RERE: variants seen among roughly 807,000 people sequenced by gnomAD.
RERE encodes the protein arginine-glutamic acid dipeptide repeats protein.
In RERE, 40 loss-of-function variants were observed where a neutral mutation model predicts 146.1. That is an observed-to-expected ratio of 0.27 (90% confidence interval 0.21 to 0.36). The LOEUF is 0.36. RERE is among the 10% of genes least tolerant of loss of function. The probability of loss-of-function intolerance (pLI) is 1.00; values close to 1 mark genes in which losing one functional copy is unlikely to be tolerated. For missense variants in RERE, 1,933 were observed against 2,138.7 expected (o/e 0.90, Z 1.90); for synonymous variants, 1,003 against 866.0 (o/e 1.16, Z -2.78).
chr1:8,636,147 C>G (rs1246836660), intron 2 of RERE, among the ~76,000 whole-genome samples: 1 of 152,168 alleles, frequency 6.6e-6, no homozygotes, highest in Non-Finnish European at 1.5e-5. Context: ...CACCACAACA[C>G]CCGGCTAATT....
chr1:8,510,680 C>G (rs1459734431), intron 7 of RERE, among the ~76,000 whole-genome samples: 1 of 152,230 alleles, frequency 6.6e-6, no homozygotes, highest in Non-Finnish European at 1.5e-5. Context: ...GTGAGCAAAA[C>G]AAGCTGCCAA....
intron 1 of RERE, among the ~76,000 whole-genome samples, chr1:8,799,899 T>C (rs568785368): frequency 2.8e-4 from 43 of 151,918 alleles, no homozygotes; most frequent in African/African-American, 9.7e-4. Flanking sequence ...ACAACCTCCA[T>C]CTCCCAAGTT....
chr1:8,359,964 C>G lies in RERE; in HGVS notation c.3418G>C (p.Gly1140Arg), dbSNP rs1265725019. The change falls in exon 19 of 23, where the codon GGC becomes CGC. Residue 1140 changes from glycine (G) to arginine (R), a missense_variant. Gly to Arg is a moderately radical substitution (Grantham distance 125). Around this residue, in one of 11 missense-constraint regions of RERE, gnomAD observed 1,255 missense variants for 1,153.8 expected, o/e 1.09. Coordinates refer to ENST00000400908, the MANE Select transcript of RERE (RefSeq NM_001042681.2). ...SARFYKHLDR[G>R]YNSCARTDLY... ...TCTGTCCGGGCACACGAGTTGTAGC[C>G]CCGGTCCAGGTGTTTGTAGAACCTG... is the stretch of plus-strand genomic sequence containing the variant. 1 of 1,612,872 alleles carries G rather than the reference C, an allele frequency of 6.2e-7. No homozygotes were observed. Among genetic ancestry groups the G allele is most frequent in the East Asian group, 2.2e-5 (1 of 44,870 alleles).
chr1:8,614,811 G>A (rs551106850), intron 3 of RERE, 125 bp from the exon 4 acceptor site: 128 of 1,076,398 alleles, frequency 1.2e-4, no homozygotes, highest in Admixed American at 2.3e-4. Flanking sequence ...TGAAACCTCA[G>A]ATAATTTGTT....
chr1:8,765,030 T>C (rs186806255), intron 1 of RERE, among the ~76,000 whole-genome samples: 1 of 152,314 alleles, frequency 6.6e-6, no homozygotes, highest in Admixed American at 6.5e-5. Flanking sequence ...CAAATACACA[T>C]CCTCACAGAA....
chr1:8,539,041 A>G (rs1645763608), intron 7 of RERE, among the ~76,000 whole-genome samples: 1 of 152,230 alleles, frequency 6.6e-6, no homozygotes, highest in Non-Finnish European at 1.5e-5. Flanking sequence ...GTAAAAAATA[A>G]TTTTGGTTAG....
intron 1 of RERE, chr1:8,786,123 C>CTT: frequency 2.2e-6 from 1 of 458,726 alleles, no homozygotes; most frequent in African/African-American, 2.0e-5. Flanking sequence ...GTCTAACTTT[C>CTT]TTTTTTTTCA....
At chr1:8,410,479 G>A (rs1245897956) in intron 12 of RERE, among the ~76,000 whole-genome samples, 3 of 152,154 alleles carry the variant, frequency 2.0e-5, no homozygotes, top group African/African-American at 7.2e-5. Flanking sequence ...AACAATGTAT[G>A]GAAGGTGAAG....
intron 6 of RERE, among the ~76,000 whole-genome samples, chr1:8,549,333 G>C (rs1417870849): frequency 6.6e-6 from 1 of 152,174 alleles, no homozygotes; most frequent in Non-Finnish European, 1.5e-5. Flanking sequence ...ATAAAGTGCA[G>C]GGGCCAATCT....
intron 2 of RERE, among the ~76,000 whole-genome samples, chr1:8,633,693 G>A (rs1488470732): frequency 2.6e-5 from 4 of 152,122 alleles, no homozygotes; most frequent in Non-Finnish European, 5.9e-5. Flanking sequence ...TTGGGAAGCC[G>A]AGGCAGGTGG....
At chr1:8,714,725 A>G in intron 1 of RERE, among the ~76,000 whole-genome samples, 1 of 152,320 alleles carries the variant, frequency 6.6e-6, no homozygotes, top group South Asian at 2.1e-4. Flanking sequence ...CTATAGATTA[A>G]TATTTTCCAT....
At chr1:8,369,508 T>TTAAAAAAA (rs1285019668) in intron 12 of RERE, among the ~76,000 whole-genome samples, 8 of 76,888 alleles carry the variant, frequency 1.0e-4, no homozygotes, top group Non-Finnish European at 1.6e-4. Flanking sequence ...CGCCTTTTAC[T>TTAAAAAAA]AAAAAAAAAA....
At chr1:8,726,916 C>T (rs1348842028) in intron 1 of RERE, among the ~76,000 whole-genome samples, 1 of 152,002 alleles carries the variant, frequency 6.6e-6, no homozygotes, top group African/African-American at 2.4e-5. Flanking sequence ...AGCAATTCCC[C>T]TACCTCAGCC....
At chr1:8,685,487 C>T (rs1015185987) in intron 1 of RERE, among the ~76,000 whole-genome samples, 6 of 152,088 alleles carry the variant, frequency 3.9e-5, no homozygotes, top group East Asian at 1.9e-4. Context: ...TTTAGGAGGC[C>T]GAGGTGGGTG....
chr1:8,624,264 AAGAG>A, intron 3 of RERE, 42 bp downstream of exon 3: 2 of 1,411,328 alleles, frequency 1.4e-6, no homozygotes, highest in Non-Finnish European at 1.0e-6. Flanking sequence ...GAACTGGAAA[AAGAG>A]AGAATACAGA....
At chr1:8,710,628 C>T (rs1639646750) in intron 1 of RERE, among the ~76,000 whole-genome samples, 1 of 152,190 alleles carries the variant, frequency 6.6e-6, no homozygotes, top group Admixed American at 6.5e-5. Context: ...ATGCCATTCT[C>T]CTGCCTCAGC....
At chr1:8,574,340 C>CTTTTTTTTTTTTT (rs35921166) in intron 4 of RERE, among the ~76,000 whole-genome samples, 1 of 87,218 alleles carries the variant, frequency 1.1e-5, no homozygotes, top group African/African-American at 4.7e-5. Context: ...TATATATAGT[C>CTTTTTTTTTTTTT]TTTTTTTTTT....
At position 8,360,544 on chromosome 1, in the gene RERE, AGGGGTGGGGGGTGAGCCGACGG is replaced by A; in HGVS notation, c.2941_2962del (p.Pro981CysfsTer20). On this transcript the variant is annotated frameshift_variant, in exon 18 of 23. Transcript: ENST00000400908. LOFTEE classifies it high-confidence loss of function. ...TGGCTGGCTCTGAGGCATGAGTTGC[AGGGGTGGGGGGTGAGCCGACGG>A]GGGGTGATGTGTGGACAGGGAGCTC... The A allele has an allele frequency of 1.6e-6, 1 of 628,158 alleles. No homozygotes were observed. The highest frequency in any genetic ancestry group is 2.0e-6 in the Non-Finnish European group (1 of 499,440). 38.9% of individuals were successfully genotyped at this position (628,158 alleles called of 1,614,324 possible).
At chr1:8,638,783 A>ATTTTTTTTTTTTTTTTTTTTTTTT (rs34276909) in intron 2 of RERE, among the ~76,000 whole-genome samples, 1 of 100,348 alleles carries the variant, frequency 1.0e-5, no homozygotes, top group African/African-American at 4.2e-5. Context: ...ACGAAAAAAA[A>ATTTTTTTTTTTTTTTTTTTTTTTT]TTTTTTTTTT....
Sources: gnomAD v4.1 joint callset for allele counts (sites outside exome capture counted in the v4.1 genomes callset) on GRCh38, gnomAD v4.1.1 for gene constraint, gnomAD v4.1.1 regional missense constraint, MANE v1.5 for transcripts, NCBI Gene and HGNC (gene_info 2026-07-23, HGNC 2026-07-21) for gene names.